Variants in RBFOX1 observed in about 807,000 individuals in gnomAD.
The protein encoded by RBFOX1 is RNA binding protein fox-1 homolog 1.
Under a neutral mutation model 57.7 loss-of-function variants are expected in RBFOX1, and 8 were observed. The ratio of observed to expected loss-of-function variants is 0.14; its 90% confidence interval spans 0.08 to 0.25. The LOEUF (loss-of-function observed/expected upper bound fraction) is 0.25. Ranked by LOEUF, RBFOX1 falls within the 10% of genes least tolerant of loss-of-function variation. The pLI is 1.00. For synonymous variants in RBFOX1, 326 were observed against 222.4 expected (o/e 1.47, Z -4.15); for missense variants, 611 against 548.5 (o/e 1.11, Z -1.14).
At chr16:5,461,075 C>A (rs2068772558) in intron 1 of RBFOX1, among the ~76,000 whole-genome samples, 2 of 152,114 alleles carry the variant, frequency 1.3e-5, no homozygotes, top group African/African-American at 4.8e-5. Context: ...CCAAGGGGCT[C>A]CTGCAGTTTT....
chr16:5,767,594 C>G (rs1245701892), intron 3 of RBFOX1, among the ~76,000 whole-genome samples: 1 of 152,214 alleles, frequency 6.6e-6, no homozygotes, highest in Non-Finnish European at 1.5e-5. Flanking sequence ...CAGCTTCCTG[C>G]TTTTGTCACA....
chr16:5,495,273 T>G (rs778625159), intron 2 of RBFOX1, among the ~76,000 whole-genome samples: 17 of 152,164 alleles, frequency 1.1e-4, no homozygotes, highest in Non-Finnish European at 2.2e-4. Flanking sequence ...TAGCAAAACT[T>G]TGGATACCAG....
chr16:6,961,712 C>G (rs530091104), intron 3 of RBFOX1, among the ~76,000 whole-genome samples: 5 of 152,082 alleles, frequency 3.3e-5, no homozygotes, highest in African/African-American at 1.2e-4. Flanking sequence ...TCCTTCCTCA[C>G]CTTTAGACCA....
chr16:5,361,029 C>G (rs1161005815), intron 1 of RBFOX1, among the ~76,000 whole-genome samples: 1 of 152,146 alleles, frequency 6.6e-6, no homozygotes, highest in African/African-American at 2.4e-5. Context: ...GTCAACTCTA[C>G]AAATGCTAAT....
At chr16:5,537,873 A>G (rs2044762628) in intron 2 of RBFOX1, among the ~76,000 whole-genome samples, 1 of 152,224 alleles carries the variant, frequency 6.6e-6, no homozygotes, top group Non-Finnish European at 1.5e-5. Flanking sequence ...ACATAAGGTA[A>G]CATGTTCACA....
chr16:6,148,303 G>C (rs1597790855), intron 1 of RBFOX1, among the ~76,000 whole-genome samples: 1 of 152,224 alleles, frequency 6.6e-6, no homozygotes, highest in Non-Finnish European at 1.5e-5. Context: ...CTCCAGCCTG[G>C]GCGACGGAGT....
At chr16:7,609,018 G>T (rs182189023) in intron 10 of RBFOX1, among the ~76,000 whole-genome samples, 127 of 152,258 alleles carry the variant, frequency 8.3e-4, no homozygotes, top group Non-Finnish European at 1.3e-3. Context: ...ACAGAACATG[G>T]CATGTATTGC....
intron 4 of RBFOX1, among the ~76,000 whole-genome samples, chr16:7,255,021 A>G (rs2094621528): frequency 1.3e-5 from 2 of 152,218 alleles, no homozygotes; most frequent in South Asian, 4.1e-4. Context: ...CTGAGTGTGC[A>G]TAATTTTGGA....
intron 3 of RBFOX1, among the ~76,000 whole-genome samples, chr16:6,911,920 A>T (rs905586024): frequency 6.6e-6 from 1 of 152,216 alleles, no homozygotes; most frequent in African/African-American, 2.4e-5. Context: ...TAGAAGACAC[A>T]GTGTAAGATT....
chr16:5,971,454 T>A (rs2059960591), intron 4 of RBFOX1, among the ~76,000 whole-genome samples: 1 of 152,224 alleles, frequency 6.6e-6, no homozygotes, highest in Admixed American at 6.5e-5. Flanking sequence ...TTTTTGTTTT[T>A]TTCCCCCAAA....
intron 1 of RBFOX1, among the ~76,000 whole-genome samples, chr16:6,192,558 A>G (rs958980773): frequency 6.6e-6 from 1 of 152,126 alleles, no homozygotes; most frequent in Non-Finnish European, 1.5e-5. Flanking sequence ...TTTAATAAGG[A>G]TGGTCACTAA....
chr16:6,535,399 A>G (rs1209559016), intron 2 of RBFOX1, among the ~76,000 whole-genome samples: 1 of 147,672 alleles, frequency 6.8e-6, no homozygotes, highest in Non-Finnish European at 1.5e-5. Context: ...GAAGTCTCAC[A>G]AGCCCTGCCA....
At chr16:6,003,867 C>T (rs1021143210) in intron 4 of RBFOX1, among the ~76,000 whole-genome samples, 4 of 152,180 alleles carry the variant, frequency 2.6e-5, no homozygotes. Flanking sequence ...AGAGAGCAGG[C>T]CTAGGTGGCC....
chr16:7,671,504 TTTTA>T (rs1321588282), intron 13 of RBFOX1: 174 of 1,487,034 alleles, frequency 1.2e-4, no homozygotes, highest in Non-Finnish European at 1.5e-4. Flanking sequence ...ATGCATTCTC[TTTTA>T]TTTATTTCAT....
chr16:7,300,370 A>T (rs1200269472), intron 4 of RBFOX1, among the ~76,000 whole-genome samples: 1 of 152,224 alleles, frequency 6.6e-6, no homozygotes, highest in Non-Finnish European at 1.5e-5. Flanking sequence ...CAGTGACTCA[A>T]AGTGCTTTTG....
intron 2 of RBFOX1, among the ~76,000 whole-genome samples, chr16:6,635,405 C>T (rs529660273): frequency 6.6e-6 from 1 of 152,022 alleles, no homozygotes; most frequent in African/African-American, 2.4e-5. Flanking sequence ...CTTATCCATG[C>T]AGGACCAAAG....
intron 1 of RBFOX1, among the ~76,000 whole-genome samples, chr16:5,402,241 G>A (rs1290349242): frequency 6.6e-6 from 1 of 152,098 alleles, no homozygotes; most frequent in Non-Finnish European, 1.5e-5. Context: ...GATCTGGAAG[G>A]AAGGAACTGG....
intron 3 of RBFOX1, among the ~76,000 whole-genome samples, chr16:5,704,503 T>G (rs1366774949): frequency 6.6e-6 from 1 of 152,172 alleles, no homozygotes; most frequent in African/African-American, 2.4e-5. Context: ...CCAGCTACTT[T>G]GCATACTAAT....
At chr16:5,319,820 G>C (rs956016381) in intron 1 of RBFOX1, among the ~76,000 whole-genome samples, 11 of 152,190 alleles carry the variant, frequency 7.2e-5, no homozygotes, top group African/African-American at 2.4e-4. Flanking sequence ...AGGGATCCAG[G>C]CTCCTTCAAC....
Sources: gnomAD v4.1 joint callset for allele counts (sites outside exome capture counted in the v4.1 genomes callset) on GRCh38, gnomAD v4.1.1 for gene constraint, MANE v1.5 for transcripts, NCBI Gene and HGNC (gene_info 2026-07-23, HGNC 2026-07-21) for gene names.